GRIA2: variants seen among roughly 807,000 people sequenced by gnomAD.
The protein encoded by GRIA2 is glutamate ionotropic receptor AMPA type subunit 2, also known as glutamate receptor 2.
In GRIA2, 14 loss-of-function variants were observed where a neutral mutation model predicts 97.3. The observed-to-expected ratio is 0.14, with a 90% CI of 0.10 to 0.23. GRIA2 has a LOEUF of 0.23. Ranked by LOEUF, GRIA2 falls within the 10% of genes least tolerant of loss-of-function variation. The pLI is 1.00. For missense variants in GRIA2, 558 were observed against 1,069.8 expected (o/e 0.52, Z 6.67); for synonymous variants, 412 against 387.8 (o/e 1.06, Z -0.73).
chr4:157,305,116 T>C (rs1733785760), intron 3 of GRIA2, among the ~76,000 whole-genome samples: 1 of 152,244 alleles, frequency 6.6e-6, no homozygotes, highest in Non-Finnish European at 1.5e-5. Context: ...ATTAATGTGA[T>C]AAAAGGGCTT....
At chr4:157,292,808 C>G (rs1733165027) in intron 2 of GRIA2, among the ~76,000 whole-genome samples, 1 of 152,054 alleles carries the variant, frequency 6.6e-6, no homozygotes, top group Non-Finnish European at 1.5e-5. Flanking sequence ...TGGGTTGACA[C>G]CCACTCACCC....
At chr4:157,239,605 T>C (rs1730411231) in intron 2 of GRIA2, among the ~76,000 whole-genome samples, 1 of 152,006 alleles carries the variant, frequency 6.6e-6, no homozygotes, top group Non-Finnish European at 1.5e-5. Context: ...GTCTTTCAAC[T>C]TCTTACTTTA....
At chr4:157,294,040 T>TA (rs1733227558) in intron 2 of GRIA2, among the ~76,000 whole-genome samples, 2 of 152,148 alleles carry the variant, frequency 1.3e-5, no homozygotes, top group Non-Finnish European at 2.9e-5. Flanking sequence ...ATAAGTACTA[T>TA]GGCACATGCG....
At chr4:157,262,906 G>A (rs1037121998) in intron 2 of GRIA2, among the ~76,000 whole-genome samples, 25 of 151,856 alleles carry the variant, frequency 1.6e-4, no homozygotes, top group African/African-American at 4.1e-4. Context: ...AGTTGTATAC[G>A]GTAGGACAAG....
intron 12 of GRIA2, among the ~76,000 whole-genome samples, chr4:157,355,823 ATT>A (rs1736265076): frequency 1.3e-5 from 1 of 79,616 alleles, no homozygotes; most frequent in Non-Finnish European, 2.3e-5. Context: ...AGTTATATAT[ATT>A]TATATATATT....
intron 12 of GRIA2, among the ~76,000 whole-genome samples, chr4:157,353,527 T>A (rs1299929644): frequency 3.3e-5 from 5 of 149,604 alleles, no homozygotes; most frequent in South Asian, 2.1e-4. Context: ...AAAAAAAAAA[T>A]TAGCCAGGTG....
intron 12 of GRIA2, among the ~76,000 whole-genome samples, chr4:157,355,942 A>AACATATAT (rs1736302149): frequency 2.7e-4 from 1 of 3,744 alleles, no homozygotes; most frequent in East Asian, 0.029. Flanking sequence ...TTTATATATT[A>AACATATAT]ATATATATTT....
At chr4:157,225,660 T>C (rs1389511744) in intron 2 of GRIA2, among the ~76,000 whole-genome samples, 1 of 151,686 alleles carries the variant, frequency 6.6e-6, no homozygotes, top group African/African-American at 2.4e-5. Context: ...CTAGGCTCTT[T>C]TGAATAGTTT....
Position 157,303,682 on chromosome 4 carries a change from C to G in GRIA2, c.360C>G (p.Gly120=), listed in dbSNP as rs545698631. The G allele has an allele frequency of 1.1e-5, 18 of 1,614,060 alleles. No individual in the cohort carries two copies. In the African/African-American group the frequency reaches 2.4e-4, roughly 22 times the overall value. The change falls in exon 3 of 16, where the codon GGC becomes GGG. Residue 120 remains glycine (G), a synonymous_variant. Transcript: ENST00000264426. The part of the protein sequence containing the change: ...SFITPSFPTD[G]THPFVIQMRP... ...TCACTCCCAGCTTCCCAACAGATGG[C>G]ACACATCCATTTGTCATTCAGATGA...
intron 3 of GRIA2, among the ~76,000 whole-genome samples, chr4:157,309,688 C>T (rs1009231724): frequency 2.0e-5 from 3 of 151,896 alleles, no homozygotes; most frequent in East Asian, 1.9e-4. Flanking sequence ...GGTGAACTGC[C>T]GGAAATTTTA....
At chr4:157,309,299 T>C (rs930156493) in intron 3 of GRIA2, among the ~76,000 whole-genome samples, 1 of 152,094 alleles carries the variant, frequency 6.6e-6, no homozygotes, top group African/African-American at 2.4e-5. Context: ...CACTGTAAAT[T>C]ACTTTTGACA....
chr4:157,244,511 G>A lies in GRIA2; in HGVS notation c.229+22704G>A, dbSNP rs147668555. Among the ~76,000 whole-genome samples, 186 of 152,142 alleles carry A rather than the reference G, an allele frequency of 1.2e-3. 1 individual carries two copies. Among genetic ancestry groups the A allele is most frequent in the African/African-American group, 4.0e-3 (166 of 41,522 alleles). On this transcript the variant is annotated intron_variant, in intron 2 of 15. Transcript: ENST00000264426. Reference sequence around the variant, plus strand: ...ATGAGAAAATATATTCGTCTGATTGGATTTGGATTTTTCCTTTCTGTTTGG... The same window carrying A: ...ATGAGAAAATATATTCGTCTGATTGAATTTGGATTTTTCCTTTCTGTTTGG...
intron 12 of GRIA2, among the ~76,000 whole-genome samples, chr4:157,355,362 T>G (rs2126982142): frequency 6.6e-6 from 1 of 151,830 alleles, no homozygotes; most frequent in African/African-American, 2.4e-5. Flanking sequence ...ACCCCATCTC[T>G]ACTAAAAATA....
chr4:157,308,608 G>T (rs185459202), intron 3 of GRIA2, among the ~76,000 whole-genome samples: 1 of 152,170 alleles, frequency 6.6e-6, no homozygotes, highest in Non-Finnish European at 1.5e-5. Context: ...ATATCCTAAT[G>T]TAGTACTATG....
At chr4:157,352,368 T>A (rs1288451952) in intron 12 of GRIA2, among the ~76,000 whole-genome samples, 1 of 152,110 alleles carries the variant, frequency 6.6e-6, no homozygotes, top group East Asian at 1.9e-4. Flanking sequence ...GTAAAATTTT[T>A]AGATTTTTAA....
intron 1 of GRIA2, 174 bp downstream of exon 1, chr4:157,221,304 C>T (rs901029187): frequency 1.5e-5 from 9 of 594,068 alleles, no homozygotes; most frequent in Middle Eastern, 8.8e-4. Context: ...AAGGAAAAGA[C>T]TATGCCTTTG....
chr4:157,338,049 T>TATATATAC (rs1491096751), intron 11 of GRIA2, among the ~76,000 whole-genome samples: 8 of 9,708 alleles, frequency 8.2e-4, no homozygotes, highest in African/African-American at 9.8e-4. Context: ...TATATATATA[T>TATATATAC]ACACACACAT....
chr4:157,227,807 C>G lies in GRIA2; in HGVS notation c.229+6000C>G, dbSNP rs10003205. Among the ~76,000 whole-genome samples the G allele has an allele frequency of 9.4e-3, 1,433 of 152,166 alleles. 29 individuals carry two copies. The highest frequency in any genetic ancestry group is 0.033 in the African/African-American group (1,356 of 41,502). On this transcript the variant is annotated intron_variant, in intron 2 of 15. Coordinates refer to ENST00000264426, the MANE Select transcript of GRIA2 (RefSeq NM_001083619.3). ...AAAGATCTACATAATTGCCAAATCTCTTGTATGACTGTGTCTCTTCAGTAC... is the reference window on the plus strand; with the variant it reads ...AAAGATCTACATAATTGCCAAATCTGTTGTATGACTGTGTCTCTTCAGTAC...
At chr4:157,271,612 T>C (rs554564406) in intron 2 of GRIA2, among the ~76,000 whole-genome samples, 21 of 152,236 alleles carry the variant, frequency 1.4e-4, no homozygotes, top group East Asian at 3.9e-4. Flanking sequence ...TCTGTCCTTT[T>C]GAATTTTTAT....
Sources: allele counts gnomAD v4.1 joint callset (sites outside exome capture counted in the v4.1 genomes callset), GRCh38; gene constraint gnomAD v4.1.1; transcripts MANE v1.5; gene names NCBI Gene and HGNC (gene_info 2026-07-23, HGNC 2026-07-21).